The following TMEM45A variants were observed in gnomAD, a reference collection of about 807,000 sequenced individuals.
TMEM45A encodes DNA polymerase-transactivated protein 4.
A neutral mutation model predicts 32.0 loss-of-function variants in TMEM45A; 25 were observed. That is an observed-to-expected ratio of 0.78 (90% confidence interval 0.57 to 1.09). TMEM45A has a LOEUF of 1.09. Among genes scored for constraint, TMEM45A ranks in the 50% least tolerant of loss-of-function variants. The pLI is 0.00. For synonymous variants in TMEM45A, 122 were observed against 114.8 expected, an observed-to-expected ratio of 1.06 and a Z score of -0.40; for missense variants, 302 against 325.0, an observed-to-expected ratio of 0.93 and a Z score of 0.54.
At chr3:100,545,380 T>C (rs1431733416) in intron 1 of TMEM45A, among the ~76,000 whole-genome samples, 6 of 152,210 alleles carry the variant, frequency 3.9e-5, no homozygotes, top group African/African-American at 1.4e-4. Context: ...ACATTAATAA[T>C]TTTTCCATGG....
chr3:100,541,651 T>A (rs978724874), intron 1 of TMEM45A, among the ~76,000 whole-genome samples: 5 of 151,898 alleles, frequency 3.3e-5, no homozygotes, highest in Admixed American at 3.3e-4. Flanking sequence ...CACTTCAGCT[T>A]CCTGTGTAGC....
intron 5 of TMEM45A, chr3:100,574,072 T>A (rs989194821): frequency 6.6e-6 from 1 of 152,240 alleles, no homozygotes; most frequent in African/African-American, 2.4e-5. Flanking sequence ...TTTTTGGTTA[T>A]GTCTCTGCCA....
intron 1 of TMEM45A, among the ~76,000 whole-genome samples, chr3:100,546,723 G>A (rs1284098218): frequency 1.3e-5 from 2 of 152,172 alleles, no homozygotes; most frequent in African/African-American, 2.4e-5. Context: ...AGGAACAGAA[G>A]GAGATGCCTT....
chr3:100,513,375 C>G (rs907754208), intron 1 of TMEM45A, among the ~76,000 whole-genome samples: 1 of 151,396 alleles, frequency 6.6e-6, no homozygotes, highest in Non-Finnish European at 1.5e-5. Context: ...AGACAAAAAC[C>G]ACATGATTAT....
intron 1 of TMEM45A, among the ~76,000 whole-genome samples, chr3:100,541,968 T>TG (rs58612046): frequency 0.46 from 70,539 of 151,870 alleles, 16,916 homozygotes; most frequent in African/African-American, 0.57. Context: ...TGTACATGCA[T>TG]GTTTTATTTC....
At chr3:100,495,242 T>C (rs977046036) in intron 1 of TMEM45A, among the ~76,000 whole-genome samples, 12 of 152,184 alleles carry the variant, frequency 7.9e-5, no homozygotes, top group Admixed American at 1.3e-4. Context: ...ATGCAGGGAA[T>C]AGAAAAAGGC....
At chr3:100,558,665 C>T in intron 4 of TMEM45A, 76 bp downstream of exon 4, 2 of 1,453,460 alleles carry the variant, frequency 1.4e-6, no homozygotes, top group Non-Finnish European at 1.9e-6. Flanking sequence ...AGGCAGTTTG[C>T]TCCCGGAGAC....
At chr3:100,557,046 C>A (rs1229078274) in intron 3 of TMEM45A, 74 bp downstream of exon 3, 24 of 1,453,878 alleles carry the variant, frequency 1.7e-5, no homozygotes, top group Non-Finnish European at 2.3e-5. Flanking sequence ...TATTAATATA[C>A]CTCTGGCATC....
intron 1 of TMEM45A, among the ~76,000 whole-genome samples, chr3:100,517,130 T>C (rs73135405): frequency 2.7e-5 from 3 of 112,466 alleles, no homozygotes; most frequent in East Asian, 2.2e-4. Context: ...CTTTTCTTTT[T>C]TTTTAAGACA....
chr3:100,497,564 C>G (rs1707947029), intron 1 of TMEM45A, among the ~76,000 whole-genome samples: 1 of 152,116 alleles, frequency 6.6e-6, no homozygotes, highest in Non-Finnish European at 1.5e-5. Context: ...TCCCTGTACC[C>G]CTTACTTTGT....
chr3:100,496,375 G>A (rs1707927869), intron 1 of TMEM45A, among the ~76,000 whole-genome samples: 1 of 152,170 alleles, frequency 6.6e-6, no homozygotes, highest in Admixed American at 6.5e-5. Context: ...TGTTTTTCTA[G>A]TTGAGGAGAC....
chr3:100,569,154 A>G (rs1706505897), intron 5 of TMEM45A, among the ~76,000 whole-genome samples, 187 bp downstream of exon 5: 1 of 152,214 alleles, frequency 6.6e-6, no homozygotes, highest in African/African-American at 2.4e-5. Flanking sequence ...GCTGGTTTAA[A>G]GTTAGTCACT....
intron 1 of TMEM45A, among the ~76,000 whole-genome samples, chr3:100,493,153 T>C (rs1707872947): frequency 6.7e-6 from 1 of 148,172 alleles, no homozygotes; most frequent in Non-Finnish European, 1.5e-5. Context: ...GGTGAGCTAG[T>C]TTTAAATATC....
At chr3:100,560,247 T>TTC (rs759056986) in intron 4 of TMEM45A, among the ~76,000 whole-genome samples, 3 of 146,748 alleles carry the variant, frequency 2.0e-5, no homozygotes, top group South Asian at 2.1e-4. Context: ...TGTTTTCTGC[T>TTC]TCTCTCTCTC....
chr3:100,553,960 G>T (rs116608574), intron 1 of TMEM45A, among the ~76,000 whole-genome samples: 1 of 152,166 alleles, frequency 6.6e-6, no homozygotes, highest in African/African-American at 2.4e-5. Context: ...AACTCAAAAG[G>T]GTCTGTCCTG....
intron 1 of TMEM45A, among the ~76,000 whole-genome samples, chr3:100,504,804 C>A (rs764624545): frequency 6.6e-6 from 1 of 152,208 alleles, no homozygotes; most frequent in Non-Finnish European, 1.5e-5. Context: ...GCAGCGAGAG[C>A]CATGCCACTA....
chr3:100,492,959 T>C (rs1707868203), intron 1 of TMEM45A, 31 bp downstream of exon 1: 1 of 152,150 alleles, frequency 6.6e-6, no homozygotes, highest in Non-Finnish European at 1.5e-5. Context: ...GGATATCATA[T>C]TTCTCTTGCC....
chr3:100,530,676 T>C (rs1207999784), intron 1 of TMEM45A, among the ~76,000 whole-genome samples: 1 of 152,184 alleles, frequency 6.6e-6, no homozygotes, highest in East Asian at 1.9e-4. Context: ...TAAAGATTCT[T>C]TAAAAAATGT....
chr3:100,547,368 C>T (rs1705998968), intron 1 of TMEM45A, among the ~76,000 whole-genome samples: 1 of 152,126 alleles, frequency 6.6e-6, no homozygotes, highest in Non-Finnish European at 1.5e-5. Flanking sequence ...GTTCTGCGTG[C>T]CTCAGCCTCC....
Sources: allele counts gnomAD v4.1 joint callset (sites outside exome capture counted in the v4.1 genomes callset), GRCh38; gene constraint gnomAD v4.1.1; transcripts MANE v1.5; gene names NCBI Gene and HGNC (gene_info 2026-07-23, HGNC 2026-07-21).